ENTREP1: variants seen among roughly 807,000 people sequenced by gnomAD.
ENTREP1 encodes Friedreich ataxia region gene X123.
At chr9:69,366,482 A>G in the ENTREP1 span, among the ~76,000 whole-genome samples, 1 of 146,326 alleles carries the variant, frequency 6.8e-6, no homozygotes, top group Non-Finnish European at 1.5e-5. Context: ...CTCTCATTCT[A>G]CAGGTTGTCT....
the ENTREP1 span, among the ~76,000 whole-genome samples, chr9:69,389,728 C>T: frequency 6.6e-6 from 1 of 152,186 alleles, no homozygotes; most frequent in Non-Finnish European, 1.5e-5. Flanking sequence ...GGAGCATTCA[C>T]CAGGTAGTGG....
the ENTREP1 span, among the ~76,000 whole-genome samples, chr9:69,391,429 T>C: frequency 6.6e-6 from 1 of 151,988 alleles, no homozygotes; most frequent in Non-Finnish European, 1.5e-5. Context: ...TTGGAGGATT[T>C]ACAAAGAACC....
At chr9:69,356,469 A>G in the ENTREP1 span, among the ~76,000 whole-genome samples, 11 of 121,826 alleles carry the variant, frequency 9.0e-5, no homozygotes, top group Non-Finnish European at 1.6e-4. Flanking sequence ...CTTCTTAGGA[A>G]CTGTGATCTT....
the ENTREP1 span, among the ~76,000 whole-genome samples, chr9:69,362,068 A>G: frequency 6.6e-6 from 1 of 152,172 alleles, no homozygotes; most frequent in Non-Finnish European, 1.5e-5. Flanking sequence ...TTTAAAATAA[A>G]AGTGTTAAAC....
the ENTREP1 span, among the ~76,000 whole-genome samples, chr9:69,332,573 T>G: frequency 6.6e-6 from 1 of 152,230 alleles, no homozygotes; most frequent in Non-Finnish European, 1.5e-5. Flanking sequence ...GTTTCTCATT[T>G]GTCATGTATT....
At chr9:69,325,598 C>T in the ENTREP1 span, 2 of 1,228,706 alleles carry the variant, frequency 1.6e-6, no homozygotes, top group Non-Finnish European at 2.0e-6. Flanking sequence ...CGCCCGCCCG[C>T]TGCTGTCACT....
the ENTREP1 span, among the ~76,000 whole-genome samples, chr9:69,367,656 A>AAT: frequency 1.2e-4 from 9 of 77,214 alleles, no homozygotes; most frequent in South Asian, 1.7e-3. Context: ...CATATATATA[A>AAT]ATATATATAT....
chr9:69,333,496 G>A, the ENTREP1 span, among the ~76,000 whole-genome samples: 1 of 151,906 alleles, frequency 6.6e-6, no homozygotes, highest in Non-Finnish European at 1.5e-5. Context: ...GTAGAGACAG[G>A]GTCTCACCGT....
chr9:69,359,366 A>G, the ENTREP1 span, among the ~76,000 whole-genome samples: 1 of 152,102 alleles, frequency 6.6e-6, no homozygotes, highest in Non-Finnish European at 1.5e-5. Flanking sequence ...CCCCACCCAA[A>G]TTTCATCTTG....
the ENTREP1 span, among the ~76,000 whole-genome samples, chr9:69,359,575 C>T: frequency 6.6e-6 from 1 of 152,160 alleles, no homozygotes; most frequent in Non-Finnish European, 1.5e-5. Flanking sequence ...CCTTGCTTCC[C>T]CTTCACCTTC....
chr9:69,391,532 G>A, the ENTREP1 span: 1 of 1,270,650 alleles, frequency 7.9e-7, no homozygotes, highest in Non-Finnish European at 1.2e-6. Flanking sequence ...ATGGACCTAG[G>A]AGGTAGGTCA....
the ENTREP1 span, among the ~76,000 whole-genome samples, chr9:69,356,041 G>T: frequency 5.3e-5 from 8 of 152,226 alleles, no homozygotes; most frequent in Non-Finnish European, 1.2e-4. Flanking sequence ...GGCATTAAGC[G>T]TGTTCACAGT....
At chr9:69,350,333 C>G in the ENTREP1 span, among the ~76,000 whole-genome samples, 1 of 34,202 alleles carries the variant, frequency 2.9e-5, no homozygotes, top group Non-Finnish European at 5.1e-5. Context: ...TAGAAAGACT[C>G]TTTTTCCCCT....
At chr9:69,367,750 T>TATAA in the ENTREP1 span, among the ~76,000 whole-genome samples, 8 of 124,494 alleles carry the variant, frequency 6.4e-5, no homozygotes, top group South Asian at 2.3e-4. Flanking sequence ...TACACATATA[T>TATAA]AAATATATAT....
the ENTREP1 span, among the ~76,000 whole-genome samples, chr9:69,350,811 A>T: frequency 6.6e-6 from 1 of 152,216 alleles, no homozygotes; most frequent in African/African-American, 2.4e-5. Flanking sequence ...TTTGTCACAG[A>T]TGAGAATCTT....
the ENTREP1 span, among the ~76,000 whole-genome samples, chr9:69,356,023 C>T: frequency 2.0e-5 from 3 of 152,088 alleles, no homozygotes; most frequent in Non-Finnish European, 2.9e-5. Flanking sequence ...TTAAAGTGTA[C>T]GTTTAGTGGC....
chr9:69,387,831 C>CCCCATCT, the ENTREP1 span: 1 of 1,185,124 alleles, frequency 8.4e-7, no homozygotes, highest in Non-Finnish European at 1.1e-6. Flanking sequence ...GCCCATCCAT[C>CCCCATCT]CCCATCTATT....
the ENTREP1 span, chr9:69,383,619 G>T: frequency 6.2e-7 from 1 of 1,613,848 alleles, no homozygotes; most frequent in Non-Finnish European, 8.5e-7. Context: ...ACGCCAAGTC[G>T]CTTTTCCTAG....
At chr9:69,352,767 G>C in the ENTREP1 span, among the ~76,000 whole-genome samples, 36 of 152,142 alleles carry the variant, frequency 2.4e-4, no homozygotes, top group Non-Finnish European at 4.6e-4. Context: ...CAGCTTAATG[G>C]ACCATAGTGA....
Sources: allele counts gnomAD v4.1 joint callset (sites outside exome capture counted in the v4.1 genomes callset), GRCh38; gene constraint gnomAD v4.1.1; transcripts MANE v1.5; gene names NCBI Gene and HGNC (gene_info 2026-07-23, HGNC 2026-07-21).